SDK2: variants seen among roughly 807,000 people sequenced by gnomAD.
SDK2 encodes protein sidekick-2.
In SDK2, 105 loss-of-function variants were observed where a neutral mutation model predicts 253.9. That is an observed-to-expected ratio of 0.41 (90% CI 0.35 to 0.49). The LOEUF is 0.49. SDK2 is among the 20% of genes least tolerant of loss of function. SDK2 has a pLI of 0.06. For synonymous variants in SDK2, 1,249 were observed against 1,234.9 expected (o/e 1.01, Z -0.24); for missense variants, 2,608 against 3,003.0 (o/e 0.87, Z 3.07).
At chr17:73,412,225 T>C (rs1422429771) in intron 18 of SDK2, among the ~76,000 whole-genome samples, 1 of 149,502 alleles carries the variant, frequency 6.7e-6, no homozygotes, top group Non-Finnish European at 1.5e-5. Context: ...CATATACACA[T>C]ATACATATAT....
At chr17:73,460,675 C>T (rs1398177619) in intron 3 of SDK2, among the ~76,000 whole-genome samples, 2 of 152,172 alleles carry the variant, frequency 1.3e-5, no homozygotes, top group Non-Finnish European at 2.9e-5. Flanking sequence ...AGCACTTACC[C>T]TGCCAAGAAC....
At chr17:73,489,447 G>C (rs1567802523) in intron 2 of SDK2, among the ~76,000 whole-genome samples, 1 of 152,174 alleles carries the variant, frequency 6.6e-6, no homozygotes, top group Non-Finnish European at 1.5e-5. Context: ...TAACTTGGAG[G>C]GGGGTACCAG....
Position 73,338,105 on chromosome 17 carries a change from T to A in SDK2, c.*482A>T. Reference sequence around the variant, plus strand: ...GGGAAGGAGGAGCAGAGAGAGAAGATAGGCGTGGCCTCCGGGATGCCCATT... The same window carrying A: ...GGGAAGGAGGAGCAGAGAGAGAAGAAAGGCGTGGCCTCCGGGATGCCCATT... On this transcript the variant is annotated 3_prime_UTR_variant, in exon 45 of 45. Transcript: ENST00000392650. This position sits in a 1 kb window ranked among gnomAD's most constrained non-coding sequence, Gnocchi z 5.0. 3.9e-6 allele frequency: 1 copy of A among 253,398 alleles called. No homozygotes were observed. The highest frequency in any genetic ancestry group is 7.9e-6 in the Non-Finnish European group (1 of 126,698). The allele number at this position is 253,398 out of a possible 1,614,324, so 15.7% of individuals were successfully genotyped here.
chr17:73,350,546 C>T lies in SDK2; in HGVS notation c.5899+104G>A, dbSNP rs189944854. On this transcript the variant is annotated intron_variant, in intron 42 of 44. Transcript: ENST00000392650. ...GCTGCCCCACCCACCAGAGCAGGTGCGCTGCCAGGAGCCAGGAGAGGGACC... is the reference window on the plus strand; with the variant it reads ...GCTGCCCCACCCACCAGAGCAGGTGTGCTGCCAGGAGCCAGGAGAGGGACC... 1,229 of 1,420,202 alleles carry T rather than the reference C, an allele frequency of 8.7e-4. 9 individuals carry two copies. In the South Asian group the frequency reaches 9.3e-3, roughly 11 times the overall value. 88.0% of individuals were successfully genotyped at this position (1,420,202 alleles called of 1,614,324 possible). A position where few individuals can be genotyped will look rare whatever the true frequency, so the allele number is the denominator to read the frequency against.
At chr17:73,444,523 C>T (rs571999533) in intron 5 of SDK2, among the ~76,000 whole-genome samples, 1 of 152,360 alleles carries the variant, frequency 6.6e-6, no homozygotes, top group African/African-American at 2.4e-5. Flanking sequence ...CTCACTGGAT[C>T]TCACTGCCCC....
chr17:73,595,714 T>C (rs984614480), intron 1 of SDK2, among the ~76,000 whole-genome samples: 8 of 152,054 alleles, frequency 5.3e-5, no homozygotes, highest in African/African-American at 1.9e-4. Context: ...GGAACCAGCA[T>C]GCAGTTTGGA....
rs759421922 is a variant in SDK2 at position 73,465,680 on chromosome 17, C to T, written c.331+6432G>A. Among the ~76,000 whole-genome samples, 5 of 152,110 alleles carry T rather than the reference C, an allele frequency of 3.3e-5. No homozygotes were observed. Among genetic ancestry groups the T allele is most frequent in the African/African-American group, 4.8e-5 (2 of 41,402 alleles). On this transcript the variant is annotated intron_variant, in intron 3 of 44. Transcript: ENST00000392650. This position sits in a 1 kb window ranked among gnomAD's most constrained non-coding sequence, Gnocchi z 4.2. Reference sequence around the variant, plus strand: ...AAACATGTAAAGAATCCTTTTTTAACGACTTTGCCATTATCATTAGTTGTT... The same window carrying T: ...AAACATGTAAAGAATCCTTTTTTAATGACTTTGCCATTATCATTAGTTGTT...
chr17:73,439,815 G>C (rs2063399815), intron 6 of SDK2, among the ~76,000 whole-genome samples: 1 of 152,326 alleles, frequency 6.6e-6, no homozygotes, highest in South Asian at 2.1e-4. Flanking sequence ...TGGGGGAGAG[G>C]GGGCAGTGCA....
intron 40 of SDK2, among the ~76,000 whole-genome samples, chr17:73,353,887 T>C (rs1568362561): frequency 6.6e-6 from 1 of 151,748 alleles, no homozygotes. Context: ...TATTTTTTAG[T>C]AGAGACAGGG....
At chr17:73,540,211 G>C (rs2044845941) in intron 1 of SDK2, among the ~76,000 whole-genome samples, 1 of 152,200 alleles carries the variant, frequency 6.6e-6, no homozygotes, top group Non-Finnish European at 1.5e-5. Context: ...TCTGCTCAGA[G>C]CCTCCGAGGG....
At chr17:73,611,033 C>T (rs1300985183) in intron 1 of SDK2, among the ~76,000 whole-genome samples, 6 of 152,230 alleles carry the variant, frequency 3.9e-5, no homozygotes, top group African/African-American at 1.4e-4. Context: ...GTATTCTCTG[C>T]ACAGTCTGAA....
chr17:73,426,358 C>T lies in SDK2; in HGVS notation c.1584-2266G>A, dbSNP rs138562779. On this transcript the variant is annotated intron_variant, in intron 12 of 44. Coordinates refer to ENST00000392650, the MANE Select transcript of SDK2 (RefSeq NM_001144952.2). ...CTGGGATTACAGGCTTGAGCCACCA[C>T]GCCTGACCAGTCATCCTGTTTTTAA... is the stretch of plus-strand genomic sequence containing the variant. Among the ~76,000 whole-genome samples the T allele has an allele frequency of 5.9e-3, 901 of 152,040 alleles. 4 individuals carry two copies. Among genetic ancestry groups the T allele is most frequent in the Middle Eastern group, 0.01 (3 of 294 alleles).
intron 1 of SDK2, among the ~76,000 whole-genome samples, chr17:73,542,483 C>T (rs1053403158): frequency 2.0e-5 from 3 of 152,342 alleles, no homozygotes; most frequent in East Asian, 3.9e-4. Context: ...GAACTCCAGC[C>T]AGGGCCTGGT....
intron 15 of SDK2, among the ~76,000 whole-genome samples, chr17:73,421,980 T>C (rs991947849): frequency 1.1e-4 from 16 of 152,106 alleles, no homozygotes; most frequent in Non-Finnish European, 2.2e-4. Context: ...CATTTAACAA[T>C]GACAGCAGCC....
At chr17:73,472,042 G>A (rs1478493116) in intron 3 of SDK2, 70 bp downstream of exon 3, 1 of 1,139,070 alleles carries the variant, frequency 8.8e-7, no homozygotes, top group Non-Finnish European at 1.3e-6. Flanking sequence ...CTCTGCCCAG[G>A]ATGTGGCTGG....
chr17:73,375,880 A>G (rs911533884), intron 36 of SDK2, among the ~76,000 whole-genome samples: 5 of 145,186 alleles, frequency 3.4e-5, no homozygotes, highest in South Asian at 2.2e-4. Context: ...AGAAAGAAAT[A>G]AAATAAACTA....
chr17:73,462,379 T>A (rs2063569712), intron 3 of SDK2, among the ~76,000 whole-genome samples: 1 of 152,102 alleles, frequency 6.6e-6, no homozygotes, highest in Non-Finnish European at 1.5e-5. Context: ...TGCATGTATG[T>A]TTACATGTAT....
At chr17:73,436,662 C>T (rs1017767438) in intron 8 of SDK2, among the ~76,000 whole-genome samples, 1 of 151,896 alleles carries the variant, frequency 6.6e-6, no homozygotes, top group African/African-American at 2.4e-5. Context: ...GCCCTGTCCC[C>T]ACTAAGCCTG....
Position 73,338,606 on chromosome 17 carries a change from C to T in SDK2, c.6500G>A (p.Gly2167Glu). 1 of 1,521,872 alleles carries T rather than the reference C, an allele frequency of 6.6e-7. No homozygotes were observed. Among genetic ancestry groups the T allele is most frequent in the Non-Finnish European group, 8.8e-7 (1 of 1,140,558 alleles). The allele number at this position is 1,521,872 out of a possible 1,614,324, so 94.3% of individuals were successfully genotyped here. The change falls in exon 45 of 45, where the codon GGA becomes GAA. Residue 2167 changes from glycine (G) to glutamate (E), a missense_variant. By Grantham distance (98) the Gly-to-Glu change is moderately conservative. Coordinates refer to ENST00000392650, the MANE Select transcript of SDK2 (RefSeq NM_001144952.2). The surrounding 1 kb of genome is among the most constrained non-coding windows in gnomAD (Gnocchi z 5.0). Reference protein sequence around the residue: ...LAPGSRAPIAGFSSFV With the variant: ...LAPGSRAPIAEFSSFV The stretch of plus-strand genomic sequence containing the variant: ...CTGATGTCAAACAAATGATGAAAAT[C>T]CTGCTATGGGAGCCCGGGAGCCTGG...
Sources: gnomAD v4.1 joint callset for allele counts (sites outside exome capture counted in the v4.1 genomes callset) on GRCh38, gnomAD v4.1.1 for gene constraint, Gnocchi (gnomAD v3.1) non-coding constraint, MANE v1.5 for transcripts, NCBI Gene and HGNC (gene_info 2026-07-23, HGNC 2026-07-21) for gene names.